Variants in PLD5 observed in about 807,000 individuals in gnomAD.
PLD5 encodes the protein inactive phospholipase D5.
A neutral mutation model predicts 61.1 loss-of-function variants in PLD5; 36 were observed. The ratio of observed to expected loss-of-function variants is 0.59; its 90% CI spans 0.45 to 0.78. The LOEUF (loss-of-function observed/expected upper bound fraction) is 0.78. PLD5 is among the 30% of genes least tolerant of loss of function. The probability of loss-of-function intolerance (pLI) is 0.00; values close to 1 mark genes in which losing one functional copy is unlikely to be tolerated. For missense variants in PLD5, 515 were observed against 644.4 expected, an observed-to-expected ratio of 0.80 and a Z score of 2.17; for synonymous variants, 243 against 242.8, an observed-to-expected ratio of 1.00 and a Z score of -0.01.
chr1:242,467,302 T>A (rs1038506360), intron 1 of PLD5, among the ~76,000 whole-genome samples: 1 of 152,148 alleles, frequency 6.6e-6, no homozygotes, highest in South Asian at 2.1e-4. Flanking sequence ...TCTTTTTAGT[T>A]AAAAATGGTA....
intron 4 of PLD5, among the ~76,000 whole-genome samples, chr1:242,227,097 A>G (rs1670999857): frequency 6.6e-6 from 1 of 152,210 alleles, no homozygotes; most frequent in East Asian, 1.9e-4. Context: ...AAACTTGTTT[A>G]TCATAGATCT....
intron 5 of PLD5, among the ~76,000 whole-genome samples, chr1:242,198,811 C>T (rs149270925): frequency 0.12 from 18,536 of 151,542 alleles, 1,234 homozygotes; most frequent in South Asian, 0.25. Flanking sequence ...CTCAGCTCAC[C>T]GCAACCTCCA....
Position 242,376,652 on chromosome 1 carries a change from G to C in PLD5, c.190-28410C>G, listed in dbSNP as rs1340070530. 5.9e-5 allele frequency among the ~76,000 whole-genome samples: 9 copies of C among 151,982 alleles called. 1 individual carries two copies. The South Asian group carries it at 1.5e-3, about 25-fold the overall frequency. On this transcript the variant is annotated intron_variant, in intron 1 of 9. Transcript: ENST00000536534. ...AATTCTAACCCAAAACAACTCAAATGGTTTTCCACTAAATACTGATACAAA... is the reference window on the plus strand; with the variant it reads ...AATTCTAACCCAAAACAACTCAAATCGTTTTCCACTAAATACTGATACAAA...
At chr1:242,506,369 T>G (rs939838626) in intron 1 of PLD5, among the ~76,000 whole-genome samples, 2 of 152,204 alleles carry the variant, frequency 1.3e-5, no homozygotes, top group African/African-American at 4.8e-5. Context: ...ACGTTTGCTA[T>G]TTAGTTCAAG....
rs758239265 is a variant in PLD5 at position 242,087,638 on chromosome 1, T to C, written c.*2216A>G. On this transcript the variant is annotated 3_prime_UTR_variant, in exon 10 of 10. Transcript: ENST00000536534. ...TATTTATTTATTTTTAGAGGCAGGA[T>C]CTTGCTATGCTACCCAGGCTGGTCT... 6.6e-6 allele frequency: 1 copy of C among 152,262 alleles called. No individual in the cohort carries two copies. Among genetic ancestry groups the C allele is most frequent in the Non-Finnish European group, 1.5e-5 (1 of 68,074 alleles). 9.4% of individuals were successfully genotyped at this position (152,262 alleles called of 1,614,324 possible).
chr1:242,145,818 G>T (rs139711777), intron 5 of PLD5, among the ~76,000 whole-genome samples: 1 of 152,054 alleles, frequency 6.6e-6, no homozygotes, highest in Non-Finnish European at 1.5e-5. Flanking sequence ...GATTATAGGC[G>T]CACACCAGCA....
intron 5 of PLD5, chr1:242,203,884 C>A (rs316866): frequency 0.84 from 127,868 of 152,186 alleles, 53,973 homozygotes; most frequent in South Asian, 0.94. Context: ...CATTCAGTTT[C>A]TTTTTGCAAT....
intron 1 of PLD5, among the ~76,000 whole-genome samples, chr1:242,462,682 G>T (rs1667156464): frequency 6.6e-6 from 1 of 152,034 alleles, no homozygotes; most frequent in East Asian, 1.9e-4. Context: ...ACCCTCTCCA[G>T]GGGAGGCTGT....
chr1:242,152,077 G>A (rs1418830768), intron 5 of PLD5, among the ~76,000 whole-genome samples: 1 of 151,788 alleles, frequency 6.6e-6, no homozygotes, highest in East Asian at 1.9e-4. Flanking sequence ...TGGTTCAAAA[G>A]TTCAAGACTC....
intron 1 of PLD5, among the ~76,000 whole-genome samples, chr1:242,500,022 C>T (rs2342272): frequency 0.37 from 56,217 of 151,958 alleles, 11,181 homozygotes; most frequent in East Asian, 0.6. Context: ...TGCAGCCTGG[C>T]GGACACAGGG....
At chr1:242,182,927 T>C (rs1240196002) in intron 5 of PLD5, among the ~76,000 whole-genome samples, 1 of 152,186 alleles carries the variant, frequency 6.6e-6, no homozygotes, top group Non-Finnish European at 1.5e-5. Flanking sequence ...AGGTTTGAGT[T>C]CATGTTACTG....
At chr1:242,234,830 G>A (rs954317104) in intron 4 of PLD5, among the ~76,000 whole-genome samples, 1 of 152,066 alleles carries the variant, frequency 6.6e-6, no homozygotes, top group Non-Finnish European at 1.5e-5. Context: ...AGGAGGGAGG[G>A]AGGTGAGAGA....
At chr1:242,402,040 G>A (rs1279130984) in intron 1 of PLD5, among the ~76,000 whole-genome samples, 1 of 152,200 alleles carries the variant, frequency 6.6e-6, no homozygotes, top group Non-Finnish European at 1.5e-5. Flanking sequence ...CCTGCACCAT[G>A]CTTCTGTTCT....
intron 2 of PLD5, among the ~76,000 whole-genome samples, chr1:242,335,957 T>C (rs1659477484): frequency 6.6e-6 from 1 of 152,220 alleles, no homozygotes; most frequent in Non-Finnish European, 1.5e-5. Context: ...TTTGGATTAC[T>C]GTATTGGTCT....
chr1:242,351,843 G>A (rs542456878), intron 1 of PLD5, among the ~76,000 whole-genome samples: 2 of 152,108 alleles, frequency 1.3e-5, no homozygotes, highest in East Asian at 3.9e-4. Context: ...CAAATTCATG[G>A]GCCACATTTA....
At chr1:242,238,928 T>C (rs1671817260) in intron 4 of PLD5, among the ~76,000 whole-genome samples, 1 of 152,116 alleles carries the variant, frequency 6.6e-6, no homozygotes. Context: ...GGTACTTAAC[T>C]CACTGGAAGG....
chr1:242,123,851 T>C (rs1447890977), intron 6 of PLD5, among the ~76,000 whole-genome samples: 2 of 152,046 alleles, frequency 1.3e-5, no homozygotes, highest in Non-Finnish European at 2.9e-5. Context: ...AGCTGGGTGG[T>C]GGACTGGGAA....
chr1:242,279,082 C>A (rs1205837019), intron 3 of PLD5, among the ~76,000 whole-genome samples: 1 of 152,246 alleles, frequency 6.6e-6, no homozygotes, highest in Non-Finnish European at 1.5e-5. Flanking sequence ...TGGACAATAA[C>A]ACCAGCAGGA....
intron 1 of PLD5, among the ~76,000 whole-genome samples, chr1:242,382,025 G>T (rs1662307479): frequency 6.6e-6 from 1 of 151,768 alleles, no homozygotes; most frequent in Admixed American, 6.6e-5. Context: ...AACTGGAGAG[G>T]TAGCCGACGC....
Sources: allele counts gnomAD v4.1 joint callset (sites outside exome capture counted in the v4.1 genomes callset), GRCh38; gene constraint gnomAD v4.1.1; transcripts MANE v1.5; gene names NCBI Gene and HGNC (gene_info 2026-07-23, HGNC 2026-07-21).